The following ZNF544 variants were observed in gnomAD, a reference collection of about 807,000 sequenced individuals.
ZNF544 encodes zinc finger protein AF020591.
A neutral mutation model predicts 13.5 loss-of-function variants in ZNF544; 10 were observed. The observed-to-expected ratio is 0.74, with a 90% CI of 0.46 to 1.25. The LOEUF (loss-of-function observed/expected upper bound fraction) is 1.25, where lower values mean the gene tolerates loss of function less well. Ranked by LOEUF, ZNF544 falls within the 50% of genes most tolerant of loss-of-function variation. ZNF544 has a pLI of 0.00. For missense variants in ZNF544, 896 were observed against 845.6 expected, an observed-to-expected ratio of 1.06 and a Z score of -0.74; for synonymous variants, 323 against 300.5, an observed-to-expected ratio of 1.07 and a Z score of -0.77.
intron 3 of ZNF544, among the ~76,000 whole-genome samples, chr19:58,240,052 C>T (rs183665115): frequency 5.6e-4 from 86 of 152,252 alleles, no homozygotes; most frequent in Non-Finnish European, 1.1e-3. Flanking sequence ...GAAGCTCACC[C>T]AAGCCTTGGT....
chr19:58,274,241 T>A (rs1383968115), intron 5 of ZNF544, among the ~76,000 whole-genome samples: 1 of 152,146 alleles, frequency 6.6e-6, no homozygotes, highest in Non-Finnish European at 1.5e-5. Flanking sequence ...TTCCCAAAAT[T>A]GATATGTTGA....
At chr19:58,267,384 T>G (rs1295626387), downstream of ZNF544, among the ~76,000 whole-genome samples, 1 of 151,886 alleles carries the variant, frequency 6.6e-6, no homozygotes, top group African/African-American at 2.4e-5. Flanking sequence ...TAAAGCATTT[T>G]GTTAACGTAA....
intron 3 of ZNF544, chr19:58,242,128 A>G (rs972692188): frequency 1.7e-6 from 1 of 597,458 alleles, no homozygotes; most frequent in Non-Finnish European, 2.1e-6. Flanking sequence ...TTCTCAGAAG[A>G]GATTGCCTGG....
Position 58,261,789 on chromosome 19 carries a change from C to G in ZNF544, c.1183C>G (p.Leu395Val), listed in dbSNP as rs1211533170. 5 of 1,613,948 alleles carry G rather than the reference C, an allele frequency of 3.1e-6. No individual in the cohort carries two copies. The highest frequency in any genetic ancestry group is 1.3e-5 in the African/African-American group (1 of 74,860). Reference sequence around the variant, plus strand: ...GAAATCTTTTAGCCAGAGCTATGACCTTGTCATACATCAGAGGACACACAC... The same window carrying G: ...GAAATCTTTTAGCCAGAGCTATGACGTTGTCATACATCAGAGGACACACAC... ...CGKSFSQSYDLVIHQRTHTGE... is the reference protein window; with the variant it reads ...CGKSFSQSYDVVIHQRTHTGE... The change falls in exon 7 of 7, where the codon CTT becomes GTT. Residue 395 changes from leucine (L) to valine (V), a missense_variant. Leu to Val is a conservative substitution (Grantham distance 32). Coordinates refer to ENST00000687789, the MANE Select transcript of ZNF544 (RefSeq NM_014480.4).
At chr19:58,251,041 C>A (rs1414513492) in intron 6 of ZNF544, among the ~76,000 whole-genome samples, 3 of 152,018 alleles carry the variant, frequency 2.0e-5, no homozygotes, top group Admixed American at 6.6e-5. Context: ...ATTATGGAAC[C>A]AAAAAATACT....
At chr19:58,270,358 G>A (rs1324982444) in intron 5 of ZNF544, among the ~76,000 whole-genome samples, 1 of 149,876 alleles carries the variant, frequency 6.7e-6, no homozygotes, top group Non-Finnish European at 1.5e-5. Context: ...CTGGAGTGCA[G>A]TGGCGCGATC....
intron 5 of ZNF544, 71 bp from the exon 6 acceptor site, chr19:58,246,640 G>A: frequency 6.4e-7 from 1 of 1,571,508 alleles, no homozygotes; most frequent in East Asian, 2.2e-5. Flanking sequence ...ACTAGGGGCT[G>A]AAGCTTGGAC....
At chr19:58,266,177 G>T (rs2147793189), downstream of ZNF544, among the ~76,000 whole-genome samples, 1 of 136,674 alleles carries the variant, frequency 7.3e-6, no homozygotes, top group East Asian at 2.3e-4. Context: ...TTGAACTCCA[G>T]CCTGGGCAAA....
intron 6 of ZNF544, among the ~76,000 whole-genome samples, chr19:58,252,973 C>A (rs1027943610): frequency 1.3e-5 from 2 of 152,188 alleles, no homozygotes; most frequent in Admixed American, 6.5e-5. Context: ...GCACGTGCCG[C>A]CACACCCAGC....
chr19:58,241,116 C>T (rs1181085624), intron 3 of ZNF544, among the ~76,000 whole-genome samples: 2 of 76,282 alleles, frequency 2.6e-5, no homozygotes, highest in East Asian at 5.8e-4. Context: ...GGACCACAGG[C>T]ATGCACCACC....
At chr19:58,239,238 A>G (rs1434973986) in intron 3 of ZNF544, among the ~76,000 whole-genome samples, 2 of 152,138 alleles carry the variant, frequency 1.3e-5, no homozygotes, top group African/African-American at 2.4e-5. Context: ...TTGGGGCCAG[A>G]TCATCCTCTA....
At chr19:58,236,502 CAAAAA>C (rs35110851) in intron 3 of ZNF544, among the ~76,000 whole-genome samples, 1 of 106,946 alleles carries the variant, frequency 9.4e-6, no homozygotes, top group Non-Finnish European at 2.1e-5. Context: ...AACTGTGTCT[CAAAAA>C]AAAAAAAAAA....
intron 5 of ZNF544, among the ~76,000 whole-genome samples, chr19:58,269,444 AC>A (rs1203658054): frequency 1.9e-5 from 2 of 103,944 alleles, no homozygotes; most frequent in East Asian, 3.0e-4. Context: ...TCAAAAAAAA[AC>A]AAACAAAAAA....
At position 58,260,631 on chromosome 19, in the gene ZNF544, T is replaced by G. The variant is rs182732822; in HGVS notation, c.245-220T>G. ...CCCTCTATTTGGGGACTAGTGTTAC[T>G]TAGTCACTTCTTTATTATGTTTGCT... On this transcript the variant is annotated intron_variant, in intron 6 of 6. Transcript: ENST00000687789. The G allele has an allele frequency of 2.9e-3, 1,417 of 492,624 alleles. 4 individuals carry two copies. Among genetic ancestry groups the G allele is most frequent in the Non-Finnish European group, 4.0e-3 (1,124 of 279,058 alleles). The allele number at this position is 492,624 out of a possible 1,614,324, so 30.5% of individuals were successfully genotyped here. A position where few individuals can be genotyped will look rare whatever the true frequency, so the allele number is the denominator to read the frequency against.
In ZNF544 at chr19:58,261,640, ACAT is replaced by A; in HGVS notation, c.1038_1040del (p.Ile347del). On this transcript the variant is annotated inframe_deletion, in exon 7 of 7. Coordinates refer to ENST00000687789, the MANE Select transcript of ZNF544 (RefSeq NM_014480.4). The stretch of plus-strand genomic sequence containing the variant: ...ATGGCCTCATCTTTTTCTGACTGTA[ACAT>A]CATTCAGACTACAGAGAAGCCATCT... 6 of 1,614,262 alleles carry A rather than the reference ACAT, an allele frequency of 3.7e-6. No homozygotes were observed. The highest frequency in any genetic ancestry group is 5.1e-6 in the Non-Finnish European group (6 of 1,180,040).
At chr19:58,241,179 A>ATATATATTT (rs1181835768) in intron 3 of ZNF544, among the ~76,000 whole-genome samples, 49 of 72,736 alleles carry the variant, frequency 6.7e-4, no homozygotes, top group East Asian at 1.6e-3. Context: ...ATATATATAT[A>ATATATATTT]TTTTTTTTTT....
At chr19:58,250,286 TG>T (rs1220642268) in intron 6 of ZNF544, among the ~76,000 whole-genome samples, 1 of 152,220 alleles carries the variant, frequency 6.6e-6, no homozygotes, top group Admixed American at 6.5e-5. Context: ...CCAGCAGTTC[TG>T]TTTTCCCATT....
chr19:58,246,367 G>C lies in ZNF544; in HGVS notation c.100G>C (p.Ala34Pro), dbSNP rs2045220900. ...GGAGGAGTGGGAACAGCTGGACCTG[G>C]CCCAGAGGACACTGTACCGAGAGGT... ...TQEEWEQLDL[A>P]QRTLYREVTL... The change falls in exon 5 of 7, where the codon GCC becomes CCC. Residue 34 changes from alanine to proline, a missense_variant. Ala to Pro is a conservative substitution (Grantham distance 27). Coordinates refer to ENST00000687789, the MANE Select transcript of ZNF544 (RefSeq NM_014480.4). The C allele has an allele frequency of 1.2e-5, 20 of 1,614,112 alleles. No individual in the cohort carries two copies. Among genetic ancestry groups the C allele is most frequent in the Non-Finnish European group, 1.7e-5 (20 of 1,180,012 alleles).
intron 5 of ZNF544, among the ~76,000 whole-genome samples, chr19:58,272,547 C>A (rs1231600522): frequency 6.6e-6 from 1 of 151,586 alleles, no homozygotes; most frequent in Non-Finnish European, 1.5e-5. Flanking sequence ...CAGAGTGAGA[C>A]CCTGTTTCTT....
Sources: allele counts gnomAD v4.1 joint callset (sites outside exome capture counted in the v4.1 genomes callset), GRCh38; gene constraint gnomAD v4.1.1; transcripts MANE v1.5; gene names NCBI Gene and HGNC (gene_info 2026-07-23, HGNC 2026-07-21).